PRKCH: variants seen among roughly 807,000 people sequenced by gnomAD.
PRKCH encodes the protein protein kinase C eta, also known as protein kinase C eta type.
In PRKCH, 28 loss-of-function variants were observed where a neutral mutation model predicts 82.5. That is an observed-to-expected ratio of 0.34 (90% CI 0.25 to 0.47). The LOEUF is 0.47. Ranked by LOEUF, PRKCH falls within the 20% of genes least tolerant of loss-of-function variation. PRKCH has a pLI of 1.00. For missense variants in PRKCH, 705 were observed against 881.8 expected, an observed-to-expected ratio of 0.80 and a Z score of 2.54; for synonymous variants, 322 against 327.4, an observed-to-expected ratio of 0.98 and a Z score of 0.18.
At chr14:61,269,547 G>A (rs907377607) in intron 1 of PRKCH, among the ~76,000 whole-genome samples, 2 of 152,000 alleles carry the variant, frequency 1.3e-5, no homozygotes, top group Non-Finnish European at 2.9e-5. Flanking sequence ...CCCAGGGTGC[G>A]TTGTTCCCCT....
At chr14:61,281,025 G>T in intron 1 of PRKCH, 1 of 1,533,994 alleles carries the variant, frequency 6.5e-7, no homozygotes. Context: ...CCAGGCCCGC[G>T]CAGAAGAAGA....
chr14:61,406,138 C>G (rs962691054), intron 2 of PRKCH, among the ~76,000 whole-genome samples: 1 of 151,976 alleles, frequency 6.6e-6, no homozygotes, highest in Non-Finnish European at 1.5e-5. Flanking sequence ...CTAAATTATA[C>G]CTAATTTGAT....
At chr14:61,323,457 C>T (rs1422052471) in intron 1 of PRKCH, among the ~76,000 whole-genome samples, 1 of 152,162 alleles carries the variant, frequency 6.6e-6, no homozygotes, top group South Asian at 2.1e-4. Context: ...CATTTGAAGA[C>T]TCTCAGGAGT....
intron 2 of PRKCH, among the ~76,000 whole-genome samples, chr14:61,416,673 T>G (rs1594682360): frequency 6.6e-6 from 1 of 151,334 alleles, no homozygotes; most frequent in East Asian, 1.9e-4. Flanking sequence ...CACCCCTGCT[T>G]CTCTCTCCTG....
chr14:61,229,872 T>C (rs1378766137), intron 1 of PRKCH, among the ~76,000 whole-genome samples: 1 of 152,210 alleles, frequency 6.6e-6, no homozygotes, highest in Non-Finnish European at 1.5e-5. Flanking sequence ...CCAGTCAGAA[T>C]GCAATGTCGA....
intron 1 of PRKCH, among the ~76,000 whole-genome samples, chr14:61,310,539 C>T (rs1484270777): frequency 6.6e-6 from 1 of 152,240 alleles, no homozygotes; most frequent in Admixed American, 6.5e-5. Context: ...TGGGCAGCTC[C>T]ACCCCTGTGG....
At chr14:61,467,606 G>A (rs1238867441) in intron 9 of PRKCH, among the ~76,000 whole-genome samples, 4 of 152,256 alleles carry the variant, frequency 2.6e-5, no homozygotes. Context: ...AGAAGGGGAA[G>A]TATAGCCGAA....
chr14:61,212,257 T>C (rs58471020), intron 1 of PRKCH, among the ~76,000 whole-genome samples: 12,428 of 152,228 alleles, frequency 0.082, 1,206 homozygotes, highest in African/African-American at 0.23. Context: ...ATAACTGTTC[T>C]AGATCACTGA....
At chr14:61,533,779 C>T (rs1323207034) in intron 12 of PRKCH, among the ~76,000 whole-genome samples, 1 of 152,198 alleles carries the variant, frequency 6.6e-6, no homozygotes, top group Non-Finnish European at 1.5e-5. Context: ...GGTACGTGCC[C>T]AGGAAGTGTC....
chr14:61,237,668 C>A (rs1417848442), intron 1 of PRKCH, among the ~76,000 whole-genome samples: 1 of 152,294 alleles, frequency 6.6e-6, no homozygotes, highest in Admixed American at 6.5e-5. Flanking sequence ...TCTTTGAATC[C>A]ACCTATGACC....
chr14:61,291,703 C>T (rs1255702543), intron 1 of PRKCH, among the ~76,000 whole-genome samples: 1 of 152,170 alleles, frequency 6.6e-6, no homozygotes, highest in African/African-American at 2.4e-5. Flanking sequence ...AGAGGAAGGT[C>T]TCTATATTTC....
At chr14:61,357,732 A>G (rs976886149) in intron 1 of PRKCH, among the ~76,000 whole-genome samples, 3 of 152,176 alleles carry the variant, frequency 2.0e-5, no homozygotes, top group Admixed American at 6.5e-5. Flanking sequence ...AGCTTCTGCA[A>G]CCGTCCATGC....
intron 9 of PRKCH, among the ~76,000 whole-genome samples, chr14:61,478,289 A>C (rs1389683779): frequency 6.6e-6 from 1 of 152,172 alleles, no homozygotes; most frequent in African/African-American, 2.4e-5. Context: ...AGCTAAATAC[A>C]GCACAGCAGG....
intron 1 of PRKCH, among the ~76,000 whole-genome samples, chr14:61,190,354 C>T (rs1267359062): frequency 6.6e-6 from 1 of 152,170 alleles, no homozygotes; most frequent in Non-Finnish European, 1.5e-5. Context: ...ATATCATTGT[C>T]CCCAAAAGAG....
intron 1 of PRKCH, among the ~76,000 whole-genome samples, chr14:61,385,874 T>A (rs2046580093): frequency 6.6e-6 from 1 of 152,188 alleles, no homozygotes; most frequent in Admixed American, 6.5e-5. Flanking sequence ...GTAGTCTTCA[T>A]AACAGGTGTG....
chr14:61,351,703 G>A (rs538737600), intron 1 of PRKCH, among the ~76,000 whole-genome samples: 2 of 152,086 alleles, frequency 1.3e-5, no homozygotes, highest in Non-Finnish European at 2.9e-5. Flanking sequence ...TGTAGGTTTA[G>A]CTCTTTGGGA....
In PRKCH at chr14:61,337,913, G is replaced by A. The variant is rs28578339; in HGVS notation, c.363+15449G>A. Among the ~76,000 whole-genome samples the A allele has an allele frequency of 4.0e-3, 616 of 152,294 alleles. 1 individual carries two copies. The highest frequency in any genetic ancestry group is 0.014 in the African/African-American group (562 of 41,562). On this transcript the variant is annotated intron_variant, in intron 1 of 13. Coordinates refer to ENST00000332981, the MANE Select transcript of PRKCH (RefSeq NM_006255.5). ...ACAGTGTTTGCACTTGATGTTTAGC[G>A]TAGCCTTGGTTTTGGTTGTTCAGAA... is the stretch of plus-strand genomic sequence containing the variant.
intron 1 of PRKCH, among the ~76,000 whole-genome samples, chr14:61,272,102 C>T (rs1029006461): frequency 6.6e-6 from 1 of 151,766 alleles, no homozygotes; most frequent in African/African-American, 2.4e-5. Flanking sequence ...GTGGCGGGCG[C>T]CTGTAGTCCC....
intron 9 of PRKCH, among the ~76,000 whole-genome samples, chr14:61,473,184 C>T (rs1290074968): frequency 6.6e-6 from 1 of 152,102 alleles, no homozygotes; most frequent in Non-Finnish European, 1.5e-5. Flanking sequence ...CCCCAAATGA[C>T]TAGATGAGGC....
Sources: gnomAD v4.1 joint callset for allele counts (sites outside exome capture counted in the v4.1 genomes callset) on GRCh38, gnomAD v4.1.1 for gene constraint, MANE v1.5 for transcripts, NCBI Gene and HGNC (gene_info 2026-07-23, HGNC 2026-07-21) for gene names.